THUMPD3: variants seen among roughly 807,000 people sequenced by gnomAD.
The protein encoded by THUMPD3 is THUMP domain 3 tRNA guanosine methyltransferase.
A neutral mutation model predicts 54.5 loss-of-function variants in THUMPD3; 44 were observed. The ratio of observed to expected loss-of-function variants is 0.81; its 90% CI spans 0.63 to 1.04. The LOEUF (loss-of-function observed/expected upper bound fraction) is 1.04, where lower values mean the gene tolerates loss of function less well. Among genes scored for constraint, THUMPD3 ranks in the 50% least tolerant of loss-of-function variants. The probability of loss-of-function intolerance (pLI) is 0.00; values close to 1 mark genes in which losing one functional copy is unlikely to be tolerated. For missense variants in THUMPD3, 604 were observed against 601.3 expected, an observed-to-expected ratio of 1.00 and a Z score of -0.05; for synonymous variants, 196 against 201.4, an observed-to-expected ratio of 0.97 and a Z score of 0.23.
intron 1 of THUMPD3, among the ~76,000 whole-genome samples, chr3:9,364,383 G>A (rs188630757): frequency 6.6e-6 from 1 of 151,690 alleles, no homozygotes; most frequent in East Asian, 1.9e-4. Flanking sequence ...GTCTTGTTCT[G>A]TTACCCCAGC....
chr3:9,373,385 A>G lies in THUMPD3; in HGVS notation c.808-1131A>G, dbSNP rs2032212996. Among the ~76,000 whole-genome samples the G allele has an allele frequency of 2.6e-5, 4 of 152,268 alleles. No individual in the cohort carries two copies. In the South Asian group the frequency reaches 8.3e-4, roughly 32 times the overall value. ...ATGACAGACACCTATAGTCCCAGGT[A>G]CTTGGGAGGCTGAAGTAAGAGATTG... On this transcript the variant is annotated intron_variant, in intron 4 of 9. Coordinates refer to ENST00000452837, the MANE Select transcript of THUMPD3 (RefSeq NM_001114092.2).
Position 9,384,834 on chromosome 3 carries a change from G to A in THUMPD3, c.*146G>A. On this transcript the variant is annotated 3_prime_UTR_variant, in exon 10 of 10. Coordinates refer to ENST00000452837, the MANE Select transcript of THUMPD3 (RefSeq NM_001114092.2). ...ATCCTGGTTAGCAAAAGGTGTGAAT[G>A]TAATGTGATGGAATTTAAAAGTTTT... 1 of 888,268 alleles carries A rather than the reference G, an allele frequency of 1.1e-6. No individual in the cohort carries two copies. Among genetic ancestry groups the A allele is most frequent in the East Asian group, 2.6e-5 (1 of 38,094 alleles). 55.0% of individuals were successfully genotyped at this position (888,268 alleles called of 1,614,324 possible). A position where few individuals can be genotyped will look rare whatever the true frequency, so the allele number is the denominator to read the frequency against.
Position 9,371,222 on chromosome 3 carries a change from A to ATGGAC in THUMPD3, c.493_494insTGGAC (p.Lys165MetfsTer18). 6.2e-7 allele frequency: 1 copy of ATGGAC among 1,611,522 alleles called. No homozygotes were observed. Among genetic ancestry groups the ATGGAC allele is most frequent in the Non-Finnish European group, 8.5e-7 (1 of 1,179,406 alleles). On this transcript the variant is annotated frameshift_variant, in exon 4 of 10. Coordinates refer to ENST00000452837, the MANE Select transcript of THUMPD3 (RefSeq NM_001114092.2). LOFTEE classifies it high-confidence loss of function. Reference sequence around the variant, plus strand: ...GAAGATTAATAATGGACAAGAAGTCAAAATCGATCAGAGAAATGTTAAAAA... The same window carrying ATGGAC: ...GAAGATTAATAATGGACAAGAAGTCATGGACAAATCGATCAGAGAAATGTTAAAAA...
chr3:9,365,399 G>A, intron 2 of THUMPD3, 79 bp downstream of exon 2: 5 of 1,520,332 alleles, frequency 3.3e-6, no homozygotes, highest in Non-Finnish European at 4.5e-6. Flanking sequence ...GACCCTTCTG[G>A]AATCCTTTCT....
intron 4 of THUMPD3, 91 bp from the exon 5 acceptor site, chr3:9,374,425 G>C: frequency 6.7e-7 from 1 of 1,502,080 alleles, no homozygotes; most frequent in East Asian, 2.3e-5. Context: ...TGCCTAAGGA[G>C]GGGTGAACCG....
At chr3:9,372,786 A>C (rs1326992757) in intron 4 of THUMPD3, among the ~76,000 whole-genome samples, 1 of 152,192 alleles carries the variant, frequency 6.6e-6, no homozygotes, top group Admixed American at 6.5e-5. Context: ...TAGGAACTAA[A>C]GTATTTAAGT....
intron 8 of THUMPD3, among the ~76,000 whole-genome samples, 178 bp downstream of exon 8, chr3:9,383,487 A>C (rs537726598): frequency 6.6e-6 from 1 of 152,208 alleles, no homozygotes; most frequent in Non-Finnish European, 1.5e-5. Context: ...TATTAACTAC[A>C]TTTGGAATCC....
At position 9,386,375 on chromosome 3, in the gene THUMPD3, A is replaced by ACCCCCCCCC. The variant is rs1280687141; in HGVS notation, c.*1694_*1695insCCCCCCCCC. On this transcript the variant is annotated 3_prime_UTR_variant, in exon 10 of 10. Coordinates refer to ENST00000452837, the MANE Select transcript of THUMPD3 (RefSeq NM_001114092.2). ...TGTTTTCACCACGATGTCTTTCCCC[A>ACCCCCCCCC]CCCCCCCACCCCCCACTCCACCCCC... is the stretch of plus-strand genomic sequence containing the variant. 2.7e-5 allele frequency: 2 copies of ACCCCCCCCC among 73,652 alleles called. No homozygotes were observed. The highest frequency in any genetic ancestry group is 4.4e-5 in the African/African-American group (1 of 22,530). 4.6% of individuals were successfully genotyped at this position (73,652 alleles called of 1,614,324 possible). A position where few individuals can be genotyped will look rare whatever the true frequency, so the allele number is the denominator to read the frequency against.
chr3:9,366,092 C>A (rs1398003927), intron 2 of THUMPD3, among the ~76,000 whole-genome samples: 1 of 152,068 alleles, frequency 6.6e-6, no homozygotes, highest in Non-Finnish European at 1.5e-5. Flanking sequence ...TTAAGAAATT[C>A]TCTAAGTATC....
Position 9,371,204 on chromosome 3 carries a change from A to T in THUMPD3, c.475A>T (p.Asn159Tyr). Residue 159 changes from asparagine to tyrosine, a missense_variant, in exon 4 of 10, where the codon AAT becomes TAT. Asn to Tyr is a moderately radical substitution (Grantham distance 143). Coordinates refer to ENST00000452837, the MANE Select transcript of THUMPD3 (RefSeq NM_001114092.2). ...INQNSSKEKI[N>Y]NGQEVKIDQR... ...TCAGAATTCAAGTAAAGAGAAGATT[A>T]ATAATGGACAAGAAGTCAAAATCGA... is the stretch of plus-strand genomic sequence containing the variant. 5.0e-6 allele frequency: 8 copies of T among 1,610,982 alleles called. No homozygotes were observed. Among genetic ancestry groups the T allele is most frequent in the Non-Finnish European group, 6.8e-6 (8 of 1,179,332 alleles).
At chr3:9,375,552 A>G (rs189211399) in intron 5 of THUMPD3, among the ~76,000 whole-genome samples, 1 of 152,228 alleles carries the variant, frequency 6.6e-6, no homozygotes, top group Non-Finnish European at 1.5e-5. Flanking sequence ...TTAAAGGATT[A>G]TTAGTGAGGA....
chr3:9,371,874 T>C (rs1337627068), intron 4 of THUMPD3, among the ~76,000 whole-genome samples: 1 of 152,124 alleles, frequency 6.6e-6, no homozygotes, highest in Admixed American at 6.6e-5. Context: ...GGTTGAGTTG[T>C]CTGTTTTCTT....
chr3:9,368,636 C>T (rs1402056966), intron 3 of THUMPD3, among the ~76,000 whole-genome samples: 1 of 152,304 alleles, frequency 6.6e-6, no homozygotes, highest in East Asian at 1.9e-4. Context: ...GCTGGGGTTA[C>T]AGGCGTAAGC....
chr3:9,369,407 C>T (rs1043765696), intron 3 of THUMPD3, among the ~76,000 whole-genome samples: 4 of 149,692 alleles, frequency 2.7e-5, no homozygotes, highest in Non-Finnish European at 5.9e-5. Flanking sequence ...ATACGTTATA[C>T]GTATAGCTTG....
At position 9,363,914 on chromosome 3, in the gene THUMPD3, C is replaced by G. The variant is rs541279954; in HGVS notation, c.-54+787C>G. 4 of 150,704 alleles carry G rather than the reference C, an allele frequency of 2.7e-5. No homozygotes were observed. The South Asian group carries it at 8.5e-4, about 32-fold the overall frequency. The allele number at this position is 150,704 out of a possible 1,614,324, so 9.3% of individuals were successfully genotyped here. On this transcript the variant is annotated intron_variant, in intron 1 of 9. Coordinates refer to ENST00000452837, the MANE Select transcript of THUMPD3 (RefSeq NM_001114092.2). ...GTAGCTGGACTCCAGGCGCCCACCA[C>G]CACGCCCAGCTATTTTTTGTGTTTT...
rs554416633 is a variant in THUMPD3 at position 9,380,829 on chromosome 3, T to G, written c.1124+211T>G. On this transcript the variant is annotated intron_variant, in intron 7 of 9. Coordinates refer to ENST00000452837, the MANE Select transcript of THUMPD3 (RefSeq NM_001114092.2). The stretch of plus-strand genomic sequence containing the variant: ...CGATAATTTCCCCACCATATGCAAT[T>G]TTTCATTTGTCTTATTCATATGTCT... 1.5e-5 allele frequency: 6 copies of G among 388,804 alleles called. No individual in the cohort carries two copies. In the South Asian group the frequency reaches 1.7e-4, roughly 11 times the overall value. The allele number at this position is 388,804 out of a possible 1,614,324, so 24.1% of individuals were successfully genotyped here. A position where few individuals can be genotyped will look rare whatever the true frequency, so the allele number is the denominator to read the frequency against.
In THUMPD3 at chr3:9,365,124, A is replaced by T. The variant is rs1575049028; in HGVS notation, c.56A>T (p.Asn19Ile). 6.2e-7 allele frequency: 1 copy of T among 1,614,206 alleles called. No individual in the cohort carries two copies. Among genetic ancestry groups the T allele is most frequent in the Non-Finnish European group, 8.5e-7 (1 of 1,180,040 alleles). ...NQLLDVNLHENQKSVQVTESD... is the reference protein window; with the variant it reads ...NQLLDVNLHEIQKSVQVTESD... ...CTCCTAGATGTGAACCTTCATGAGA[A>T]CCAGAAGTCTGTACAAGTGACAGAA... The change falls in exon 2 of 10, where the codon AAC becomes ATC. Residue 19 changes from asparagine (N) to isoleucine (I), a missense_variant. By Grantham distance (149) the Asn-to-Ile change is moderately radical. Coordinates refer to ENST00000452837, the MANE Select transcript of THUMPD3 (RefSeq NM_001114092.2).
chr3:9,381,534 A>G (rs2125331323), intron 7 of THUMPD3, among the ~76,000 whole-genome samples: 1 of 152,166 alleles, frequency 6.6e-6, no homozygotes, highest in South Asian at 2.1e-4. Context: ...GTGTATTAAG[A>G]CAAGTAGTTG....
intron 1 of THUMPD3, 108 bp from the exon 2 acceptor site, chr3:9,364,908 T>G (rs1227080600): frequency 5.8e-6 from 5 of 855,600 alleles, no homozygotes; most frequent in Non-Finnish European, 8.9e-6. Flanking sequence ...TGGTGACTGT[T>G]TATCAGATGT....
Sources: gnomAD v4.1 joint callset for allele counts (sites outside exome capture counted in the v4.1 genomes callset) on GRCh38, gnomAD v4.1.1 for gene constraint, MANE v1.5 for transcripts, NCBI Gene and HGNC (gene_info 2026-07-23, HGNC 2026-07-21) for gene names.